F8: variants seen among roughly 807,000 people sequenced by gnomAD.
F8 encodes the protein antihemophilic factor.
A neutral mutation model predicts 140.6 loss-of-function variants in F8; 12 were observed. The ratio of observed to expected loss-of-function variants is 0.09; its 90% CI spans 0.05 to 0.14. The LOEUF (loss-of-function observed/expected upper bound fraction) is 0.14. Ranked by LOEUF, F8 falls within the 10% of genes least tolerant of loss-of-function variation. F8 has a pLI of 1.00. For synonymous variants in F8, 585 were observed against 614.6 expected, an observed-to-expected ratio of 0.95 and a Z score of 0.71; for missense variants, 1,354 against 1,720.7, an observed-to-expected ratio of 0.79 and a Z score of 3.77.
At chrX:154,864,390 A>G (rs1266512006) in intron 22 of F8, among the ~76,000 whole-genome samples, 1 of 112,781 alleles carries the variant, frequency 8.9e-6, no homozygotes, top group Admixed American at 9.4e-5. Flanking sequence ...CAATGCACAG[A>G]TACCAATGCT....
chrX:154,929,481 C>T lies in F8; in HGVS notation c.4309G>A (p.Ala1437Thr). ...LFQDNSSHLP[A>T]ASYRKKDSGV... ...GAATCTTTCTTTCTATAAGATGCTG[C>T]TGGAAGATGAGAAGAGTTGTCTTGG... The change falls in exon 14 of 26, where the codon GCA becomes ACA. Residue 1437 changes from alanine to threonine, a missense_variant. This residue lies in a region of F8 where 658 missense variants were observed against 666.5 expected (regional missense o/e 0.99). Transcript: ENST00000360256. 1 of 1,211,390 alleles carries T rather than the reference C, an allele frequency of 8.3e-7. No homozygotes were observed. Among genetic ancestry groups the T allele is most frequent in the South Asian group, 1.8e-5 (1 of 56,988 alleles).
intron 15 of F8, among the ~76,000 whole-genome samples, chrX:154,905,868 T>C: frequency 8.9e-6 from 1 of 111,778 alleles, no homozygotes; most frequent in South Asian, 3.7e-4. Flanking sequence ...CTCATTAAAA[T>C]GTTCAGTGGT....
intron 22 of F8, among the ~76,000 whole-genome samples, chrX:154,894,764 G>A (rs1031367804): frequency 6.8e-4 from 67 of 99,203 alleles, no homozygotes; most frequent in African/African-American, 2.6e-3. Flanking sequence ...CAACTACCTT[G>A]AAACATGCTG....
intron 25 of F8, among the ~76,000 whole-genome samples, chrX:154,843,392 C>T (rs180924437): frequency 0.023 from 2,561 of 111,974 alleles, 24 homozygotes; most frequent in Middle Eastern, 0.037. Context: ...AATTGTTGAA[C>T]TAGTTTACAG....
Position 154,860,619 on chromosome X carries a change from T to C in F8, c.6724-11A>G. The C allele has an allele frequency of 8.3e-7, 1 of 1,209,609 alleles. No individual in the cohort carries two copies. Among genetic ancestry groups the C allele is most frequent in the South Asian group, 1.8e-5 (1 of 56,958 alleles). On this transcript the variant is annotated splice_polypyrimidine_tract_variant and intron_variant, in intron 24 of 25. Transcript: ENST00000360256. ...TTTTGGATTATTCACCTGAGGGCAA[T>C]AGAGTTGGACTAGTAGCCTCTTGGT... is the stretch of plus-strand genomic sequence containing the variant.
At chrX:154,872,964 A>AT (rs2072785914) in intron 22 of F8, among the ~76,000 whole-genome samples, 1 of 111,708 alleles carries the variant, frequency 9.0e-6, no homozygotes, top group Non-Finnish European at 1.9e-5. Flanking sequence ...ACTTAGGAAT[A>AT]GACTTAACCA....
At chrX:154,850,254 G>A (rs1289216706) in intron 25 of F8, among the ~76,000 whole-genome samples, 2 of 109,193 alleles carry the variant, frequency 1.8e-5, no homozygotes, top group Non-Finnish European at 3.8e-5. Flanking sequence ...TCAGCCTCCC[G>A]AGTAGCTGGG....
chrX:154,949,809 C>T (rs1169374934), intron 12 of F8, among the ~76,000 whole-genome samples: 2 of 109,113 alleles, frequency 1.8e-5, no homozygotes, highest in African/African-American at 6.7e-5. Flanking sequence ...GGTCTGTCTG[C>T]CAGTCTGGAG....
chrX:154,878,492 T>C (rs2148575683), intron 22 of F8, among the ~76,000 whole-genome samples: 1 of 82,201 alleles, frequency 1.2e-5, no homozygotes, highest in East Asian at 3.9e-4. Flanking sequence ...ATCCACAACA[T>C]GATAAAGAGC....
At chrX:154,982,219 G>A (rs1465053953) in intron 6 of F8, among the ~76,000 whole-genome samples, 18 of 105,062 alleles carry the variant, frequency 1.7e-4, no homozygotes, top group Admixed American at 7.2e-4. Flanking sequence ...AGGCCAAGGC[G>A]GGTGGATCAC....
intron 7 of F8, among the ~76,000 whole-genome samples, chrX:154,967,942 G>A (rs1274506001): frequency 8.9e-6 from 1 of 111,797 alleles, no homozygotes; most frequent in African/African-American, 3.3e-5. Flanking sequence ...GAGGAAAATG[G>A]TGGATGCATG....
chrX:154,997,272 A>G (rs1346686905), intron 2 of F8, among the ~76,000 whole-genome samples, 177 bp from the exon 3 acceptor site: 1 of 112,324 alleles, frequency 8.9e-6, no homozygotes, highest in African/African-American at 3.2e-5. Flanking sequence ...CTGAGGCAAG[A>G]TTTCTGGCAA....
At chrX:154,903,438 C>G (rs2073020208) in intron 18 of F8, among the ~76,000 whole-genome samples, 1 of 111,857 alleles carries the variant, frequency 8.9e-6, no homozygotes, top group Admixed American at 9.5e-5. Flanking sequence ...CCTTGGCCTC[C>G]CAAAGTGCTG....
intron 25 of F8, among the ~76,000 whole-genome samples, chrX:154,838,946 C>A (rs2072496662): frequency 1.2e-5 from 1 of 84,083 alleles, no homozygotes; most frequent in African/African-American, 4.3e-5. Context: ...CCCACCCCCC[C>A]AAGAGATGCC....
intron 7 of F8, among the ~76,000 whole-genome samples, chrX:154,968,061 C>T (rs190036649): frequency 7.6e-4 from 85 of 111,707 alleles, no homozygotes; most frequent in African/African-American, 2.4e-3. Flanking sequence ...TAGGCCTCTC[C>T]GACATTTTTC....
At chrX:154,876,386 T>G (rs2072816838) in intron 22 of F8, among the ~76,000 whole-genome samples, 1 of 111,281 alleles carries the variant, frequency 9.0e-6, no homozygotes, top group Non-Finnish European at 1.9e-5. Flanking sequence ...CCCAAAGTGC[T>G]GGGATTACAG....
chrX:154,876,756 C>T (rs781932831), intron 22 of F8, among the ~76,000 whole-genome samples: 2 of 111,136 alleles, frequency 1.8e-5, no homozygotes, highest in African/African-American at 6.5e-5. Flanking sequence ...CAAACCACCT[C>T]TCTGGGGTGG....
chrX:154,859,625 T>G (rs1236932214), intron 25 of F8, among the ~76,000 whole-genome samples: 1 of 111,505 alleles, frequency 9.0e-6, no homozygotes, highest in African/African-American at 3.3e-5. Context: ...TTTTGAAAGT[T>G]CATCATGTTG....
At chrX:154,906,126 C>A (rs782183828) in intron 15 of F8, among the ~76,000 whole-genome samples, 44 of 111,445 alleles carry the variant, frequency 3.9e-4, no homozygotes, top group African/African-American at 1.3e-3. Context: ...TCCATAAATT[C>A]ATATAATAGA....
Sources: allele counts gnomAD v4.1 joint callset (sites outside exome capture counted in the v4.1 genomes callset), GRCh38; gene constraint gnomAD v4.1.1; regional missense constraint gnomAD v4.1.1; transcripts MANE v1.5; gene names NCBI Gene and HGNC (gene_info 2026-07-23, HGNC 2026-07-21).